Variants in KATNIP observed in about 807,000 individuals in gnomAD.
The protein encoded by KATNIP is katanin interacting protein.
KATNIP carries 126 observed loss-of-function variants against 174.0 expected under a neutral mutation model. The ratio of observed to expected loss-of-function variants is 0.72; its 90% confidence interval spans 0.63 to 0.84. The LOEUF is 0.84. Ranked by LOEUF, KATNIP falls within the 40% of genes least tolerant of loss-of-function variation. KATNIP has a pLI of 0.00. For missense variants in KATNIP, 1,958 were observed against 2,109.7 expected (o/e 0.93, Z 1.41); for synonymous variants, 810 against 835.7 (o/e 0.97, Z 0.53).
At chr16:27,755,114 C>G (rs973923277) in intron 18 of KATNIP, 1 of 151,562 alleles carries the variant, frequency 6.6e-6, no homozygotes, top group Non-Finnish European at 1.5e-5. Flanking sequence ...TCTCCTGCCC[C>G]CTGTGAATGT....
chr16:27,706,976 G>C lies in KATNIP; in HGVS notation c.1390-1729G>C, dbSNP rs115789545. 3.7e-3 allele frequency among the ~76,000 whole-genome samples: 562 copies of C among 152,298 alleles called. 2 individuals are homozygous for C. Among genetic ancestry groups the C allele is most frequent in the African/African-American group, 0.013 (529 of 41,558 alleles). On this transcript the variant is annotated intron_variant, in intron 12 of 27. Transcript: ENST00000261588. ...TTGGCCAGGACCCCACATGGCTGTG[G>C]AGCAGGAGGAAGCTGTGGGTTTCGA...
rs768377844 is a variant in KATNIP at position 27,777,622 on chromosome 16, G to A, written c.4564G>A (p.Asp1522Asn). 1.2e-5 allele frequency: 20 copies of A among 1,609,900 alleles called. No homozygotes were observed. Among genetic ancestry groups the A allele is most frequent in the South Asian group, 2.2e-5 (2 of 90,382 alleles). Residue 1522 changes from aspartate (D) to asparagine (N), a missense_variant, in exon 26 of 28, where the codon GAC becomes AAC. By Grantham distance (23) the Asp-to-Asn change is conservative. Around this residue, in one of 3 missense-constraint regions of KATNIP, gnomAD observed 383 missense variants for 456.0 expected, o/e 0.84. Coordinates refer to ENST00000261588, the MANE Select transcript of KATNIP (RefSeq NM_015202.5). The surrounding 1 kb of genome is among the most constrained non-coding windows in gnomAD (Gnocchi z 4.4). ...GVKEFGLLVD[D>N]LLVYNGILAM... ...CGTGTCCCTGCAGCTCCTGGTGGAC[G>A]ACCTGCTTGTGTACAATGGGATCCT...
chr16:27,733,736 G>C (rs1185272437), intron 14 of KATNIP, among the ~76,000 whole-genome samples: 3 of 152,162 alleles, frequency 2.0e-5, no homozygotes, highest in African/African-American at 7.2e-5. Context: ...GACGACTGGA[G>C]GGGGAGGAAG....
At chr16:27,551,233 T>G (rs764129191) in intron 1 of KATNIP, among the ~76,000 whole-genome samples, 21 of 152,354 alleles carry the variant, frequency 1.4e-4, no homozygotes, top group Middle Eastern at 3.4e-3. Context: ...ATCATTTTTC[T>G]AATTACAGCA....
chr16:27,744,080 T>A (rs2081199329), intron 15 of KATNIP, among the ~76,000 whole-genome samples: 1 of 152,202 alleles, frequency 6.6e-6, no homozygotes, highest in South Asian at 2.1e-4. Context: ...AAAAGGAAAG[T>A]TGCTTAGAAA....
chr16:27,575,173 T>C (rs1032134407), intron 2 of KATNIP, among the ~76,000 whole-genome samples: 2 of 152,178 alleles, frequency 1.3e-5, no homozygotes, highest in Admixed American at 6.5e-5. Context: ...CAGAAACCAG[T>C]CACCTGACTC....
intron 5 of KATNIP, among the ~76,000 whole-genome samples, chr16:27,638,815 C>A (rs1247896522): frequency 6.6e-6 from 1 of 151,474 alleles, no homozygotes; most frequent in Non-Finnish European, 1.5e-5. Context: ...TCTGTACTCT[C>A]CTCCTGGCTG....
intron 8 of KATNIP, among the ~76,000 whole-genome samples, chr16:27,684,959 AC>A (rs1454489920): frequency 6.6e-6 from 1 of 152,186 alleles, no homozygotes; most frequent in African/African-American, 2.4e-5. Context: ...ACACAATTCA[AC>A]CCATAATATA....
chr16:27,753,083 G>A (rs2081578681), intron 17 of KATNIP, among the ~76,000 whole-genome samples: 1 of 152,130 alleles, frequency 6.6e-6, no homozygotes, highest in African/African-American at 2.4e-5. Flanking sequence ...GGCAGAGCAT[G>A]GGGTGCAGGA....
At chr16:27,774,808 C>T in intron 23 of KATNIP, 137 bp from the exon 24 acceptor site, 1 of 977,056 alleles carries the variant, frequency 1.0e-6, no homozygotes, top group Non-Finnish European at 1.5e-6. Context: ...ACGTCCAATT[C>T]AGCTGTCACT....
At chr16:27,609,027 C>CT (rs1488046251) in intron 2 of KATNIP, among the ~76,000 whole-genome samples, 2 of 152,152 alleles carry the variant, frequency 1.3e-5, no homozygotes, top group African/African-American at 4.8e-5. Flanking sequence ...ACCCCCAAAC[C>CT]TTTGTTCATG....
chr16:27,699,991 A>G (rs1473422776), intron 10 of KATNIP, among the ~76,000 whole-genome samples: 3 of 151,636 alleles, frequency 2.0e-5, no homozygotes, highest in African/African-American at 4.8e-5. Context: ...GCTCACTACA[A>G]CCTCTGCCTC....
At chr16:27,763,915 C>T (rs2082039886) in intron 19 of KATNIP, among the ~76,000 whole-genome samples, 1 of 152,148 alleles carries the variant, frequency 6.6e-6, no homozygotes, top group African/African-American at 2.4e-5. Flanking sequence ...CCTTGCTCCC[C>T]TGTATTTCTA....
At chr16:27,602,384 TCCCACTCC>T (rs2141952597) in intron 2 of KATNIP, among the ~76,000 whole-genome samples, 1 of 152,248 alleles carries the variant, frequency 6.6e-6, no homozygotes, top group Non-Finnish European at 1.5e-5. Context: ...CTCCATCTCC[TCCCACTCC>T]CCTGCCTTGT....
intron 19 of KATNIP, among the ~76,000 whole-genome samples, chr16:27,764,696 A>G (rs1397857768): frequency 3.3e-5 from 5 of 152,238 alleles, no homozygotes; most frequent in African/African-American, 9.6e-5. Context: ...ACTGTCGGCT[A>G]CAAATGCTCC....
At chr16:27,580,144 G>T (rs925425823) in intron 2 of KATNIP, among the ~76,000 whole-genome samples, 2 of 152,012 alleles carry the variant, frequency 1.3e-5, no homozygotes, top group Non-Finnish European at 2.9e-5. Flanking sequence ...ACAGGGTCTC[G>T]CTGTGTTACC....
rs1245579743 is a variant in KATNIP at position 27,698,446 on chromosome 16, C to A, written c.1059C>A (p.Ala353=). The A allele has an allele frequency of 6.2e-7, 1 of 1,613,246 alleles. No homozygotes were observed. Among genetic ancestry groups the A allele is most frequent in the Non-Finnish European group, 8.5e-7 (1 of 1,179,754 alleles). Residue 353 remains alanine, a synonymous_variant, in exon 9 of 28, where the codon GCC becomes GCA. Transcript: ENST00000261588. The stretch of plus-strand genomic sequence containing the variant: ...AAGCCATCCAGGTGGAGAACGCAGC[C>A]CTGCAGAGGGCGCTCCTCAGCAGAA... The part of the protein sequence containing the change: ...VLQAIQVENA[A]LQRALLSRKA...
chr16:27,563,287 C>T (rs2089959182), intron 1 of KATNIP, among the ~76,000 whole-genome samples: 1 of 152,166 alleles, frequency 6.6e-6, no homozygotes, highest in South Asian at 2.1e-4. Flanking sequence ...AGACCAAGGG[C>T]ATGAGTGCTC....
At chr16:27,616,045 C>T (rs941099743) in intron 2 of KATNIP, among the ~76,000 whole-genome samples, 5 of 152,088 alleles carry the variant, frequency 3.3e-5, no homozygotes, top group East Asian at 3.9e-4. Flanking sequence ...GATATTGTAT[C>T]GTTAATCCTC....
Sources: allele counts gnomAD v4.1 joint callset (sites outside exome capture counted in the v4.1 genomes callset), GRCh38; gene constraint gnomAD v4.1.1; regional missense constraint gnomAD v4.1.1; non-coding constraint Gnocchi (gnomAD v3.1); transcripts MANE v1.5; gene names NCBI Gene and HGNC (gene_info 2026-07-23, HGNC 2026-07-21).